Variants in BDH1 observed in about 807,000 individuals in gnomAD.
BDH1 encodes 3-hydroxybutyrate dehydrogenase 1.
In BDH1, 30 loss-of-function variants were observed where a neutral mutation model predicts 33.1. The observed-to-expected ratio is 0.91, with a 90% confidence interval of 0.68 to 1.23. The LOEUF (loss-of-function observed/expected upper bound fraction) is 1.23, where lower values mean the gene tolerates loss of function less well. Ranked by LOEUF, BDH1 falls within the 50% of genes most tolerant of loss-of-function variation. The probability of loss-of-function intolerance (pLI) is 0.00; values close to 1 mark genes in which losing one functional copy is unlikely to be tolerated. For missense variants in BDH1, 443 were observed against 464.4 expected, an observed-to-expected ratio of 0.95 and a Z score of 0.42; for synonymous variants, 190 against 183.6, an observed-to-expected ratio of 1.03 and a Z score of -0.28.
chr3:197,568,902 T>C (rs1353896882), intron 1 of BDH1, among the ~76,000 whole-genome samples: 14 of 152,242 alleles, frequency 9.2e-5, no homozygotes, highest in African/African-American at 2.9e-4. Flanking sequence ...CATAAATCAA[T>C]GCAGGCTCCC....
chr3:197,546,539 C>A (rs1716094487), intron 2 of BDH1, 53 bp from the exon 3 acceptor site: 1 of 1,225,626 alleles, frequency 8.2e-7, no homozygotes. Context: ...GGGCTTTAAT[C>A]AGGAGCAGTC....
chr3:197,527,126 A>G (rs930423714), intron 5 of BDH1, among the ~76,000 whole-genome samples: 3 of 152,202 alleles, frequency 2.0e-5, no homozygotes, highest in African/African-American at 7.2e-5. Context: ...AGGACACTCG[A>G]CACATGTTAT....
At position 197,522,446 on chromosome 3, in the gene BDH1, C is replaced by T. The variant is rs528802047; in HGVS notation, c.409+194G>A. 1.3e-5 allele frequency among the ~76,000 whole-genome samples: 2 copies of T among 152,328 alleles called. No individual in the cohort carries two copies. The highest frequency in any genetic ancestry group is 1.5e-5 in the Non-Finnish European group (1 of 68,022). Reference sequence around the variant, plus strand: ...CGTGAACTCTGAAATCACCTCCTGACTGTATTTTTCCATTGCCCTATTGCA... The same window carrying T: ...CGTGAACTCTGAAATCACCTCCTGATTGTATTTTTCCATTGCCCTATTGCA... On this transcript the variant is annotated intron_variant, in intron 6 of 7. Coordinates refer to ENST00000392379, the MANE Select transcript of BDH1 (RefSeq NM_203314.3). This position sits in a 1 kb window ranked among gnomAD's most constrained non-coding sequence, Gnocchi z 4.8.
rs562605303 is a variant in BDH1, at chr3:197,555,935, C to A, written c.-350G>T. ...GGAAGCCCCTCCACCAGCACTCCTG[C>A]GGCCTGCGGCCTCCGCCACCCGGAC... On this transcript the variant is annotated 5_prime_UTR_variant, in exon 1 of 8. Transcript: ENST00000392379. 6.6e-6 allele frequency: 1 copy of A among 152,380 alleles called. No individual in the cohort carries two copies. The highest frequency in any genetic ancestry group is 6.5e-5 in the Admixed American group (1 of 15,304). The allele number at this position is 152,380 out of a possible 1,614,324, so 9.4% of individuals were successfully genotyped here.
At chr3:197,547,107 C>T (rs1716148584) in intron 2 of BDH1, among the ~76,000 whole-genome samples, 1 of 152,008 alleles carries the variant, frequency 6.6e-6, no homozygotes, top group African/African-American at 2.4e-5. Flanking sequence ...AATTAACACA[C>T]ACACACACAC....
upstream of BDH1, among the ~76,000 whole-genome samples, chr3:197,557,526 C>G (rs1717109042): frequency 6.6e-6 from 1 of 152,218 alleles, no homozygotes; most frequent in Non-Finnish European, 1.5e-5. This position sits in a 1 kb window ranked among gnomAD's most constrained non-coding sequence, Gnocchi z 4.6. Flanking sequence ...GGGTGGATCA[C>G]TTTAGGCCAG....
chr3:197,550,642 C>T (rs755616902), intron 2 of BDH1, among the ~76,000 whole-genome samples: 7 of 152,064 alleles, frequency 4.6e-5, no homozygotes, highest in Admixed American at 1.3e-4. Flanking sequence ...TGCTGGAGGA[C>T]GGCAGCTACA....
intron 2 of BDH1, among the ~76,000 whole-genome samples, chr3:197,550,305 C>T (rs754125286): frequency 3.3e-5 from 5 of 152,178 alleles, no homozygotes; most frequent in Non-Finnish European, 5.9e-5. Context: ...ATTAGGCACA[C>T]CCAATGCAGA....
intron 1 of BDH1, among the ~76,000 whole-genome samples, chr3:197,571,094 G>C (rs1717591354): frequency 6.6e-6 from 1 of 152,208 alleles, no homozygotes. Context: ...TTAAGATTTG[G>C]CTGCCCTGCT....
In BDH1 at chr3:197,510,112, G is replaced by T. The variant is rs1288094590; in HGVS notation, c.*1783C>A. 1.3e-5 allele frequency: 2 copies of T among 152,344 alleles called. No homozygotes were observed. Among genetic ancestry groups the T allele is most frequent in the Non-Finnish European group, 2.9e-5 (2 of 68,112 alleles). 9.4% of individuals were successfully genotyped at this position (152,344 alleles called of 1,614,324 possible). The stretch of plus-strand genomic sequence containing the variant: ...CCCCGTAGCCCACTCCGGCTGCCCG[G>T]GCTCTTCTGCCTTCTCCTGGCACCA... On this transcript the variant is annotated 3_prime_UTR_variant, in exon 8 of 8. Transcript: ENST00000392379.
At chr3:197,565,155 C>T (rs537357890) in intron 1 of BDH1, among the ~76,000 whole-genome samples, 3 of 152,316 alleles carry the variant, frequency 2.0e-5, no homozygotes, top group East Asian at 1.9e-4. Context: ...CTCCCAACCT[C>T]GGGTGACCCA....
chr3:197,515,660 C>T, intron 6 of BDH1: 1 of 985,608 alleles, frequency 1.0e-6, no homozygotes, highest in Non-Finnish European at 1.2e-6. Context: ...ACAAATACCG[C>T]ATTTCCATAT....
intron 2 of BDH1, among the ~76,000 whole-genome samples, chr3:197,553,527 CAAAAAAA>C (rs750811753): frequency 1.0e-5 from 1 of 97,086 alleles, no homozygotes; most frequent in African/African-American, 3.9e-5. Context: ...GACTCTGTCT[CAAAAAAA>C]AAAAAAAAAA....
chr3:197,529,968 G>A (rs1017706999), intron 5 of BDH1: 11 of 152,200 alleles, frequency 7.2e-5, no homozygotes, highest in East Asian at 1.9e-4. Context: ...ATTTTAGGCC[G>A]GGTACATATT....
intron 4 of BDH1, 73 bp from the exon 5 acceptor site, chr3:197,532,595 C>T: frequency 9.1e-7 from 1 of 1,098,982 alleles, no homozygotes; most frequent in Non-Finnish European, 1.4e-6. Flanking sequence ...TCTCCACCCT[C>T]TGTGCAGTGA....
At chr3:197,555,215 C>G (rs1005232955) in intron 1 of BDH1, 1 of 154,046 alleles carries the variant, frequency 6.5e-6, no homozygotes, top group Non-Finnish European at 1.4e-5. Context: ...GAGGACTCCC[C>G]AAACCCCGGG....
chr3:197,544,234 C>T (rs1224081629), intron 3 of BDH1, among the ~76,000 whole-genome samples: 5 of 152,150 alleles, frequency 3.3e-5, no homozygotes, highest in South Asian at 2.1e-4. Context: ...CTTCACCCTA[C>T]GACATTGACT....
Position 197,523,523 on chromosome 3 carries a change from T to C in BDH1, c.268-742A>G, listed in dbSNP as rs1250754595. 6.6e-6 allele frequency among the ~76,000 whole-genome samples: 1 copy of C among 152,184 alleles called. No individual in the cohort carries two copies. Among genetic ancestry groups the C allele is most frequent in the Non-Finnish European group, 1.5e-5 (1 of 68,032 alleles). On this transcript the variant is annotated intron_variant, in intron 5 of 7. Transcript: ENST00000392379. The surrounding 1 kb of genome is among the most constrained non-coding windows in gnomAD (Gnocchi z 4.5). ...TTTGTAAGAAGCCTGTTAAAGAGTCTAAAGCACCACACAAATTCAGGTACT... is the reference window on the plus strand; with the variant it reads ...TTTGTAAGAAGCCTGTTAAAGAGTCCAAAGCACCACACAAATTCAGGTACT...
intron 2 of BDH1, among the ~76,000 whole-genome samples, chr3:197,551,532 A>G (rs1005479411): frequency 6.6e-6 from 1 of 152,196 alleles, no homozygotes; most frequent in Non-Finnish European, 1.5e-5. Context: ...TGGAACCAAC[A>G]TGGGAGTGCA....
Sources: allele counts gnomAD v4.1 joint callset (sites outside exome capture counted in the v4.1 genomes callset), GRCh38; gene constraint gnomAD v4.1.1; non-coding constraint Gnocchi (gnomAD v3.1); transcripts MANE v1.5; gene names NCBI Gene and HGNC (gene_info 2026-07-23, HGNC 2026-07-21).